Variants in RASEF observed in about 807,000 individuals in gnomAD.
RASEF encodes ras and EF-hand domain-containing protein.
RASEF carries 68 observed loss-of-function variants against 90.1 expected under a neutral mutation model. The observed-to-expected ratio is 0.75, with a 90% CI of 0.62 to 0.92. The LOEUF is 0.92. Among genes scored for constraint, RASEF ranks in the 40% least tolerant of loss-of-function variants. The probability of loss-of-function intolerance (pLI) is 0.00; values close to 1 mark genes in which losing one functional copy is unlikely to be tolerated. For missense variants in RASEF, 949 were observed against 937.2 expected (o/e 1.01, Z -0.16); for synonymous variants, 331 against 345.2 (o/e 0.96, Z 0.46).
intron 5 of RASEF, among the ~76,000 whole-genome samples, chr9:83,010,110 T>G (rs1829213030): frequency 6.6e-6 from 1 of 152,216 alleles, no homozygotes; most frequent in Non-Finnish European, 1.5e-5. Context: ...TTAAAATTAT[T>G]GATAAACATT....
At chr9:83,057,133 CA>C (rs905900215) in intron 1 of RASEF, among the ~76,000 whole-genome samples, 3 of 152,168 alleles carry the variant, frequency 2.0e-5, no homozygotes, top group Non-Finnish European at 2.9e-5. Context: ...TGGAGCAAGG[CA>C]AGGATGCCCG....
the RASEF span, among the ~76,000 whole-genome samples, chr9:83,183,992 T>C: frequency 4.6e-5 from 7 of 152,254 alleles, no homozygotes; most frequent in African/African-American, 1.7e-4. Context: ...GTGGGGTGTA[T>C]TTGCACTTCA....
the RASEF span, among the ~76,000 whole-genome samples, chr9:83,150,152 G>A: frequency 1.3e-5 from 2 of 152,162 alleles, no homozygotes; most frequent in South Asian, 2.1e-4. Context: ...GACATAGCTC[G>A]GGAGCAGCCA....
At chr9:83,202,927 A>G in the RASEF span, among the ~76,000 whole-genome samples, 1 of 152,198 alleles carries the variant, frequency 6.6e-6, no homozygotes, top group Non-Finnish European at 1.5e-5. Flanking sequence ...TAATATATAT[A>G]ATTTTTACTT....
intron 7 of RASEF, among the ~76,000 whole-genome samples, chr9:83,006,024 T>C (rs1829124440): frequency 6.6e-6 from 1 of 152,264 alleles, no homozygotes; most frequent in African/African-American, 2.4e-5. Context: ...TATTTCCATA[T>C]GACTTAACAG....
intron 1 of RASEF, chr9:83,049,418 A>G (rs937205012): frequency 1.3e-6 from 1 of 770,488 alleles, no homozygotes; most frequent in African/African-American, 1.9e-5. Context: ...TCAAAAGCCC[A>G]TTCTCCCATC....
In RASEF at chr9:83,055,521, GGGAGCTGTAGACC is replaced by G. The variant is rs1257809579; in HGVS notation, c.431+6903_431+6915del. ...ACCCGTCTTCTGCGTCGCTCACGCT[GGGAGCTGTAGACC>G]GGAGCTGTTCCTATTCGGCCATCTT... On this transcript the variant is annotated intron_variant, in intron 1 of 16. Transcript: ENST00000376447. The G allele has an allele frequency of 3.8e-4, 265 of 702,598 alleles. 1 individual carries two copies. The East Asian group carries it at 7.0e-3, about 19-fold the overall frequency. The allele number at this position is 702,598 out of a possible 1,614,324, so 43.5% of individuals were successfully genotyped here.
At chr9:83,098,639 G>C in the RASEF span, among the ~76,000 whole-genome samples, 1 of 152,228 alleles carries the variant, frequency 6.6e-6, no homozygotes, top group Non-Finnish European at 1.5e-5. Flanking sequence ...AAAAGAAACA[G>C]GTTTAATTGA....
intron 1 of RASEF, chr9:83,055,479 A>G (rs1830086371): frequency 3.0e-6 from 2 of 673,080 alleles, no homozygotes; most frequent in Non-Finnish European, 5.4e-6. Flanking sequence ...GGTACCTCAG[A>G]TGGAAATGCA....
At chr9:83,150,931 A>G in the RASEF span, among the ~76,000 whole-genome samples, 1 of 152,148 alleles carries the variant, frequency 6.6e-6, no homozygotes, top group Admixed American at 6.5e-5. Flanking sequence ...TATATATCCA[A>G]ATTCACACAT....
chr9:83,139,664 C>A, the RASEF span, among the ~76,000 whole-genome samples: 1 of 151,698 alleles, frequency 6.6e-6, no homozygotes, highest in Non-Finnish European at 1.5e-5. Flanking sequence ...GTGGCAGAGG[C>A]GGAAGAAAAT....
At chr9:83,010,320 A>G (rs148110462) in intron 5 of RASEF, among the ~76,000 whole-genome samples, 208 of 152,268 alleles carry the variant, frequency 1.4e-3, no homozygotes, top group African/African-American at 4.6e-3. Flanking sequence ...CCCTTCCAAA[A>G]CCTCACTAAA....
At chr9:83,101,983 C>T in the RASEF span, among the ~76,000 whole-genome samples, 1 of 152,090 alleles carries the variant, frequency 6.6e-6, no homozygotes, top group African/African-American at 2.4e-5. Flanking sequence ...CTCAGAAACA[C>T]CTAGTACTTC....
the RASEF span, among the ~76,000 whole-genome samples, chr9:83,104,800 T>A: frequency 1.3e-5 from 2 of 152,182 alleles, no homozygotes; most frequent in Non-Finnish European, 2.9e-5. Context: ...ACATTATTAG[T>A]TCTCTAAAAA....
At chr9:83,200,327 C>T in the RASEF span, among the ~76,000 whole-genome samples, 11 of 152,106 alleles carry the variant, frequency 7.2e-5, no homozygotes, top group South Asian at 2.1e-4. Flanking sequence ...ACCCAGGGGG[C>T]GGAGGGTGCA....
chr9:83,207,953 C>G, the RASEF span, among the ~76,000 whole-genome samples: 1 of 152,176 alleles, frequency 6.6e-6, no homozygotes, highest in South Asian at 2.1e-4. Flanking sequence ...CTGACCGCCT[C>G]TTGGTACACT....
chr9:83,104,381 G>C, the RASEF span, among the ~76,000 whole-genome samples: 1 of 152,116 alleles, frequency 6.6e-6, no homozygotes, highest in African/African-American at 2.4e-5. Flanking sequence ...GCAATTCTCT[G>C]AGATTTACCT....
the RASEF span, among the ~76,000 whole-genome samples, chr9:83,184,078 C>A: frequency 8.9e-3 from 1,360 of 152,200 alleles, 16 homozygotes; most frequent in African/African-American, 0.03. Flanking sequence ...AGAGGAAGAG[C>A]AAAGAAGAAA....
intron 4 of RASEF, among the ~76,000 whole-genome samples, chr9:83,015,475 G>A (rs1829326794): frequency 6.6e-6 from 1 of 152,184 alleles, no homozygotes; most frequent in Non-Finnish European, 1.5e-5. Context: ...GAGGTCAGGA[G>A]TTTGAGACCA....
Sources: gnomAD v4.1 joint callset for allele counts (sites outside exome capture counted in the v4.1 genomes callset) on GRCh38, gnomAD v4.1.1 for gene constraint, MANE v1.5 for transcripts, NCBI Gene and HGNC (gene_info 2026-07-23, HGNC 2026-07-21) for gene names.